The following LRP11 variants were observed in gnomAD, a reference collection of about 807,000 sequenced individuals.
LRP11 encodes low-density lipoprotein receptor-related protein 11.
LRP11 carries 25 observed loss-of-function variants against 43.1 expected under a neutral mutation model. That is an observed-to-expected ratio of 0.58 (90% CI 0.42 to 0.81). The LOEUF (loss-of-function observed/expected upper bound fraction) is 0.81. Ranked by LOEUF, LRP11 falls within the 30% of genes least tolerant of loss-of-function variation. The pLI is 0.00. For synonymous variants in LRP11, 316 were observed against 299.4 expected, an observed-to-expected ratio of 1.06 and a Z score of -0.57; for missense variants, 623 against 665.1, an observed-to-expected ratio of 0.94 and a Z score of 0.70.
At chr6:149,840,425 C>T (rs952414) in intron 3 of LRP11, among the ~76,000 whole-genome samples, 7,688 of 152,262 alleles carry the variant, frequency 0.05, 297 homozygotes, top group Admixed American at 0.12. Context: ...ATGATTCACA[C>T]ACCACTCTCT....
At chr6:149,852,026 G>A (rs578260835) in intron 2 of LRP11, among the ~76,000 whole-genome samples, 151 of 152,212 alleles carry the variant, frequency 9.9e-4, no homozygotes, top group Non-Finnish European at 1.4e-3. Context: ...GAATAGCATG[G>A]GGGTGACTGC....
chr6:149,859,858 A>G (rs1776864730), intron 1 of LRP11, among the ~76,000 whole-genome samples: 1 of 152,070 alleles, frequency 6.6e-6, no homozygotes, highest in African/African-American at 2.4e-5. Context: ...CAGATATGGA[A>G]GTTTACTTCC....
At chr6:149,841,216 T>C (rs947125361) in intron 3 of LRP11, among the ~76,000 whole-genome samples, 1 of 152,208 alleles carries the variant, frequency 6.6e-6, no homozygotes, top group South Asian at 2.1e-4. Flanking sequence ...CAGTTTTTGA[T>C]AGAAGGCTAG....
In LRP11 at chr6:149,841,588, A is replaced by T. The variant is rs556897636; in HGVS notation, c.913+1395T>A. On this transcript the variant is annotated intron_variant, in intron 3 of 6. Coordinates refer to ENST00000239367, the MANE Select transcript of LRP11 (RefSeq NM_032832.6). ...CTAAGTTCCATGCAATGGATATTTTAAAAAATTTGATGACCTAATCTTTCT... is the reference window on the plus strand; with the variant it reads ...CTAAGTTCCATGCAATGGATATTTTTAAAAATTTGATGACCTAATCTTTCT... Among the ~76,000 whole-genome samples the T allele has an allele frequency of 5.9e-5, 9 of 152,318 alleles. No homozygotes were observed. In the East Asian group the frequency reaches 9.6e-4, roughly 16 times the overall value.
intron 2 of LRP11, among the ~76,000 whole-genome samples, chr6:149,845,532 C>T (rs113802915): frequency 1.3e-5 from 2 of 152,224 alleles, no homozygotes; most frequent in African/African-American, 4.8e-5. Flanking sequence ...TGTTACATTA[C>T]CTTCAGGCCC....
In LRP11 at chr6:149,820,690, G is replaced by A. The variant is rs1562434535; in HGVS notation, c.1362C>T (p.Pro454=). 2 of 780,812 alleles carry A rather than the reference G, an allele frequency of 2.6e-6. No homozygotes were observed. Among genetic ancestry groups the A allele is most frequent in the Admixed American group, 1.7e-5 (1 of 58,990 alleles). 48.4% of individuals were successfully genotyped at this position (780,812 alleles called of 1,614,324 possible). Residue 454 remains proline, a synonymous_variant, in exon 7 of 7, where the codon CCC becomes CCT. Transcript: ENST00000239367. ...HPAPETGAVL[P]LALGLAITAL... The stretch of plus-strand genomic sequence containing the variant: ...CAGTGATAGCCAAACCCAGCGCCAG[G>A]GGTAGCACTGCACCTTTGAGAAGGT...
chr6:149,837,284 T>C (rs1583081853), intron 4 of LRP11, 54 bp downstream of exon 4: 1 of 1,586,318 alleles, frequency 6.3e-7, no homozygotes, highest in Non-Finnish European at 8.6e-7. Flanking sequence ...AACACAGACC[T>C]CCCAACTCCA....
chr6:149,839,799 C>T (rs189484005), intron 3 of LRP11, among the ~76,000 whole-genome samples: 7 of 152,214 alleles, frequency 4.6e-5, no homozygotes, highest in East Asian at 1.9e-4. Flanking sequence ...GGATTACAGG[C>T]GTGTCCCACC....
chr6:149,830,585 T>C (rs1404497364), intron 5 of LRP11, among the ~76,000 whole-genome samples: 1 of 152,216 alleles, frequency 6.6e-6, no homozygotes, highest in Admixed American at 6.5e-5. Flanking sequence ...AAGGATGCAG[T>C]AGAGAAATTG....
Position 149,864,086 on chromosome 6 carries a change from G to A in LRP11, c.-66C>T, listed in dbSNP as rs1349735267. 5 of 1,238,356 alleles carry A rather than the reference G, an allele frequency of 4.0e-6. No individual in the cohort carries two copies. The highest frequency in any genetic ancestry group is 3.2e-5 in the South Asian group (1 of 31,560). 76.7% of individuals were successfully genotyped at this position (1,238,356 alleles called of 1,614,324 possible). A position where few individuals can be genotyped will look rare whatever the true frequency, so the allele number is the denominator to read the frequency against. ...GCGCGGGAGGAAGGCGGGGACGCGG[G>A]CGAGCGCGGGCCCTGGGCCCCTCCT... On this transcript the variant is annotated 5_prime_UTR_variant, in exon 1 of 7. Transcript: ENST00000239367.
chr6:149,825,783 G>GC (rs1399511292), intron 6 of LRP11, among the ~76,000 whole-genome samples: 1 of 151,870 alleles, frequency 6.6e-6, no homozygotes, highest in Non-Finnish European at 1.5e-5. Flanking sequence ...AGCCTCCCTG[G>GC]GACTACAGGC....
chr6:149,831,599 C>T (rs1776409102), intron 5 of LRP11, among the ~76,000 whole-genome samples: 1 of 152,204 alleles, frequency 6.6e-6, no homozygotes, highest in Non-Finnish European at 1.5e-5. Flanking sequence ...AATGTCTGCA[C>T]ATACCTTCAT....
At position 149,820,415 on chromosome 6, in the gene LRP11, TAA is replaced by T; in HGVS notation, c.*132_*133del. The T allele has an allele frequency of 2.0e-6, 1 of 488,838 alleles. No individual in the cohort carries two copies. Among genetic ancestry groups the T allele is most frequent in the Non-Finnish European group, 3.7e-6 (1 of 273,758 alleles). 30.3% of individuals were successfully genotyped at this position (488,838 alleles called of 1,614,324 possible). A position where few individuals can be genotyped will look rare whatever the true frequency, so the allele number is the denominator to read the frequency against. ...AGGAAACTTTTTTTACAATAAATAA[TAA>T]AGAAAGATTTGGGATTTGCAGAATC... On this transcript the variant is annotated 3_prime_UTR_variant, in exon 7 of 7. Coordinates refer to ENST00000239367, the MANE Select transcript of LRP11 (RefSeq NM_032832.6).
intron 6 of LRP11, among the ~76,000 whole-genome samples, chr6:149,823,924 C>T (rs1377415879): frequency 6.6e-6 from 1 of 152,152 alleles, no homozygotes; most frequent in Non-Finnish European, 1.5e-5. Context: ...CCTGGTCTCT[C>T]CATGCCAGCA....
chr6:149,852,250 T>C (rs1329417199), intron 2 of LRP11, among the ~76,000 whole-genome samples: 1 of 152,218 alleles, frequency 6.6e-6, no homozygotes, highest in Non-Finnish European at 1.5e-5. Context: ...TTGGTTCCAG[T>C]AGAGTACAAA....
rs148809267 is a variant in LRP11 at position 149,842,241 on chromosome 6, C to CT, written c.913+741dup. Among the ~76,000 whole-genome samples the CT allele has an allele frequency of 7.6e-3, 1,152 of 151,868 alleles. 15 individuals carry two copies. The highest frequency in any genetic ancestry group is 0.027 in the African/African-American group (1,101 of 41,390). On this transcript the variant is annotated intron_variant, in intron 3 of 6. Transcript: ENST00000239367. ...GTCTTTCTTCAATCCTGTGGTATGC[C>CT]TTTTCCTTGTTTTTTTAATATGTAT...
intron 5 of LRP11, among the ~76,000 whole-genome samples, chr6:149,832,253 G>T (rs147244558): frequency 6.8e-6 from 1 of 147,302 alleles, no homozygotes; most frequent in Non-Finnish European, 1.5e-5. Flanking sequence ...GTGCAGTGGC[G>T]CAATCTTGGC....
chr6:149,859,059 G>A (rs1410027399), intron 1 of LRP11, among the ~76,000 whole-genome samples: 1 of 151,856 alleles, frequency 6.6e-6, no homozygotes, highest in Non-Finnish European at 1.5e-5. Flanking sequence ...CTTCAGCATG[G>A]TTCCTTTTCC....
chr6:149,858,852 T>C (rs186662863), intron 1 of LRP11, among the ~76,000 whole-genome samples: 6 of 152,324 alleles, frequency 3.9e-5, no homozygotes, highest in Admixed American at 2.6e-4. Context: ...GTTTTGCTCA[T>C]ACGTTCTCTT....
Sources: allele counts gnomAD v4.1 joint callset (sites outside exome capture counted in the v4.1 genomes callset), GRCh38; gene constraint gnomAD v4.1.1; transcripts MANE v1.5; gene names NCBI Gene and HGNC (gene_info 2026-07-23, HGNC 2026-07-21).